The following ASAP1 variants were observed in gnomAD, a reference collection of about 807,000 sequenced individuals.
ASAP1 encodes the protein arf-GAP with SH3 domain, ANK repeat and PH domain-containing protein 1.
A neutral mutation model predicts 145.2 loss-of-function variants in ASAP1; 43 were observed. The ratio of observed to expected loss-of-function variants is 0.30; its 90% CI spans 0.23 to 0.38. The LOEUF is 0.38. ASAP1 is among the 10% of genes least tolerant of loss of function. The pLI, the probability that ASAP1 is intolerant of heterozygous loss-of-function variation, is 1.00. For missense variants in ASAP1, 1,018 were observed against 1,355.3 expected (o/e 0.75, Z 3.91); for synonymous variants, 546 against 515.5 (o/e 1.06, Z -0.80).
At chr8:130,133,463 T>C (rs1236394984) in intron 15 of ASAP1, among the ~76,000 whole-genome samples, 1 of 151,648 alleles carries the variant, frequency 6.6e-6, no homozygotes, top group Non-Finnish European at 1.5e-5. Flanking sequence ...GAGACCATCC[T>C]GGCTAACAAG....
intron 3 of ASAP1, among the ~76,000 whole-genome samples, chr8:130,282,757 A>G (rs1821329286): frequency 6.6e-6 from 1 of 152,210 alleles, no homozygotes; most frequent in Non-Finnish European, 1.5e-5. Flanking sequence ...ATAATTTGAA[A>G]TAGAGTGTGG....
At chr8:130,256,739 T>TATATATATATATATATATATATATA (rs1565142439) in intron 3 of ASAP1, among the ~76,000 whole-genome samples, 1 of 95,904 alleles carries the variant, frequency 1.0e-5, no homozygotes, top group Non-Finnish European at 2.0e-5. Context: ...ATACACATTC[T>TATATATATATATATATATATATATA]TATATATATA....
intron 5 of ASAP1, among the ~76,000 whole-genome samples, chr8:130,204,714 C>G (rs1164007923): frequency 6.6e-6 from 1 of 152,176 alleles, no homozygotes. Context: ...AGCTTCCATG[C>G]GTCTAAGTCT....
chr8:130,091,200 G>A (rs1041841099), intron 25 of ASAP1, among the ~76,000 whole-genome samples: 1 of 152,214 alleles, frequency 6.6e-6, no homozygotes, highest in African/African-American at 2.4e-5. Flanking sequence ...GTAAACACTG[G>A]TGAGAACAAG....
chr8:130,434,310 G>A (rs998839548), intron 1 of ASAP1, among the ~76,000 whole-genome samples: 12 of 152,182 alleles, frequency 7.9e-5, no homozygotes, highest in African/African-American at 2.6e-4. Context: ...ACTACAGCCT[G>A]GGAGACAGAG....
intron 1 of ASAP1, among the ~76,000 whole-genome samples, chr8:130,412,997 C>T (rs1829330833): frequency 6.6e-6 from 1 of 152,186 alleles, no homozygotes; most frequent in South Asian, 2.1e-4. Flanking sequence ...TTATGTGTAT[C>T]TGACACTAAC....
chr8:130,169,861 G>C (rs1056509188), intron 9 of ASAP1, among the ~76,000 whole-genome samples: 3 of 152,170 alleles, frequency 2.0e-5, no homozygotes, highest in African/African-American at 7.2e-5. Flanking sequence ...TTCAGATCCA[G>C]GTCTGCCAGA....
At chr8:130,339,818 T>G (rs1825266039) in intron 3 of ASAP1, among the ~76,000 whole-genome samples, 1 of 152,120 alleles carries the variant, frequency 6.6e-6, no homozygotes, top group South Asian at 2.1e-4. Context: ...TTTCTAAGGC[T>G]CCTTCTGGCT....
At chr8:130,119,734 A>T (rs920426155) in intron 18 of ASAP1, among the ~76,000 whole-genome samples, 1 of 152,146 alleles carries the variant, frequency 6.6e-6, no homozygotes, top group Non-Finnish European at 1.5e-5. Flanking sequence ...CTTTGGATTA[A>T]ATCTTTTAGT....
chr8:130,389,028 T>C (rs1468889163), intron 2 of ASAP1, among the ~76,000 whole-genome samples: 2 of 152,160 alleles, frequency 1.3e-5, no homozygotes, highest in African/African-American at 4.8e-5. Flanking sequence ...CACAGGATTG[T>C]TGTAAGGATT....
In ASAP1 at chr8:130,371,676, AC is replaced by A. The variant is rs561916825; in HGVS notation, c.60-13534del. Among the ~76,000 whole-genome samples, 384 of 152,316 alleles carry A rather than the reference AC, an allele frequency of 2.5e-3. 1 individual carries two copies. Among genetic ancestry groups the A allele is most frequent in the Non-Finnish European group, 3.9e-3 (262 of 68,024 alleles). The stretch of plus-strand genomic sequence containing the variant: ...TACTGTAATGTGGTTGTGACGGCTG[AC>A]ACTCCAGCAACCATTTGGGATCCTA... On this transcript the variant is annotated intron_variant, in intron 2 of 29. Coordinates refer to ENST00000518721, the MANE Select transcript of ASAP1 (RefSeq NM_018482.4).
At position 130,279,723 on chromosome 8, in the gene ASAP1, G is replaced by A. The variant is rs370493253; in HGVS notation, c.187-42729C>T. On this transcript the variant is annotated intron_variant, in intron 3 of 29. Transcript: ENST00000518721. ...ATTTCTATACTACAGATGAGAAAGAGTTAGCAATGTAGTAGTTGACAGAGA... is the reference window on the plus strand; with the variant it reads ...ATTTCTATACTACAGATGAGAAAGAATTAGCAATGTAGTAGTTGACAGAGA... Among the ~76,000 whole-genome samples, 8 of 152,290 alleles carry A rather than the reference G, an allele frequency of 5.3e-5. No individual in the cohort carries two copies. The South Asian group carries it at 1.7e-3, about 32-fold the overall frequency.
chr8:130,076,775 C>A (rs1391808386), intron 26 of ASAP1, among the ~76,000 whole-genome samples: 2 of 152,204 alleles, frequency 1.3e-5, no homozygotes, highest in Admixed American at 6.5e-5. Flanking sequence ...CCACCTCAGC[C>A]TTCCAAAGTG....
rs1299013018 is a variant in ASAP1 at position 130,060,834 on chromosome 8, G to A, written c.2937C>T (p.Asp979=). The A allele has an allele frequency of 6.2e-7, 1 of 1,613,486 alleles. No homozygotes were observed. ...CCTTCATCTGTGGTTTGGGAGGTAA[G>A]TCTGAGAGTTGGGGTTTGGGTGGCA... ...GDLPPKPQLS[D]LPPKPQMKDL... The change falls in exon 28 of 30, where the codon GAC becomes GAT. Residue 979 remains aspartate, a synonymous_variant. Coordinates refer to ENST00000518721, the MANE Select transcript of ASAP1 (RefSeq NM_018482.4).
intron 3 of ASAP1, among the ~76,000 whole-genome samples, chr8:130,304,541 T>C (rs1279646228): frequency 1.3e-5 from 2 of 152,230 alleles, no homozygotes; most frequent in African/African-American, 4.8e-5. Flanking sequence ...AAACACGCTG[T>C]CCAATTTACG....
chr8:130,176,688 GTT>G (rs11324057), intron 9 of ASAP1, among the ~76,000 whole-genome samples: 73 of 143,430 alleles, frequency 5.1e-4, no homozygotes, highest in African/African-American at 1.4e-3. Context: ...CTCTCTTCCT[GTT>G]TTTTTTTTTT....
In ASAP1 at chr8:130,151,370, C is replaced by CAAAAAAAAAA. The variant is rs58367856; in HGVS notation, c.1080+1356_1080+1365dup. Among the ~76,000 whole-genome samples the CAAAAAAAAAA allele has an allele frequency of 5.7e-4, 36 of 62,850 alleles. 1 individual carries two copies. The highest frequency in any genetic ancestry group is 7.9e-4 in the South Asian group (1 of 1,272). 41.2% of individuals were successfully genotyped at this position (62,850 alleles called of 152,430 possible). A position where few individuals can be genotyped will look rare whatever the true frequency, so the allele number is the denominator to read the frequency against. ...TGGGTGAAAGAGCGAGACTCAGTCT[C>CAAAAAAAAAA]AAAAAAAAAAAAAAAAAAAAAAAAA... On this transcript the variant is annotated intron_variant, in intron 13 of 29. Transcript: ENST00000518721.
intron 11 of ASAP1, among the ~76,000 whole-genome samples, chr8:130,160,952 G>A (rs1417860506): frequency 6.6e-6 from 1 of 152,166 alleles, no homozygotes; most frequent in Admixed American, 6.5e-5. Flanking sequence ...TACACCTCTA[G>A]ATTCAGGATA....
Position 130,159,844 on chromosome 8 carries a change from T to A in ASAP1, c.1010+20A>T. 2 of 1,583,720 alleles carry A rather than the reference T, an allele frequency of 1.3e-6. No homozygotes were observed. The highest frequency in any genetic ancestry group is 1.7e-6 in the Non-Finnish European group (2 of 1,152,568). On this transcript the variant is annotated intron_variant, in intron 12 of 29. Coordinates refer to ENST00000518721, the MANE Select transcript of ASAP1 (RefSeq NM_018482.4). ...CTAGGTTAATCACACACTGAGACAC[T>A]GGGCTGGGCTCATACATACCCGTCA...
Sources: allele counts gnomAD v4.1 joint callset (sites outside exome capture counted in the v4.1 genomes callset), GRCh38; gene constraint gnomAD v4.1.1; transcripts MANE v1.5; gene names NCBI Gene and HGNC (gene_info 2026-07-23, HGNC 2026-07-21).